ZNF804A: variants seen among roughly 807,000 people sequenced by gnomAD.
ZNF804A encodes the protein zinc finger protein 804A.
Under a neutral mutation model 16.5 loss-of-function variants are expected in ZNF804A, and 2 were observed. The observed-to-expected ratio is 0.12, with a 90% CI of 0.05 to 0.38. ZNF804A has a LOEUF of 0.38. Among genes scored for constraint, ZNF804A ranks in the 10% least tolerant of loss-of-function variants. ZNF804A has a pLI of 0.99. For synonymous variants in ZNF804A, 534 were observed against 489.6 expected (o/e 1.09, Z -1.20); for missense variants, 1,473 against 1,390.7 (o/e 1.06, Z -0.94).
intron 1 of ZNF804A, among the ~76,000 whole-genome samples, chr2:184,862,750 A>G (rs922801495): frequency 1.3e-5 from 2 of 152,170 alleles, no homozygotes; most frequent in Admixed American, 6.6e-5. Context: ...GGGGAAATAC[A>G]GAATAAAAGA....
At chr2:184,776,453 G>A (rs996529590) in intron 1 of ZNF804A, among the ~76,000 whole-genome samples, 5 of 150,926 alleles carry the variant, frequency 3.3e-5, no homozygotes, top group Non-Finnish European at 5.9e-5. Flanking sequence ...GGAGGTTCAG[G>A]TTTTGTTGGT....
chr2:184,599,091 CT>C (rs1691005733), intron 1 of ZNF804A, 21 bp downstream of exon 1: 2 of 1,490,250 alleles, frequency 1.3e-6, no homozygotes, highest in South Asian at 2.3e-5. Context: ...CTGTTTTCCT[CT>C]CTCTCTCTCT....
intron 2 of ZNF804A, among the ~76,000 whole-genome samples, chr2:184,893,993 A>G (rs1268755837): frequency 6.6e-6 from 1 of 152,172 alleles, no homozygotes; most frequent in Non-Finnish European, 1.5e-5. Context: ...TGCACATAAA[A>G]TTCTTCTATA....
chr2:184,605,698 A>T (rs550885908), intron 1 of ZNF804A, among the ~76,000 whole-genome samples: 31 of 152,250 alleles, frequency 2.0e-4, no homozygotes, highest in Non-Finnish European at 3.2e-4. Flanking sequence ...ATATGTAAAT[A>T]CTACACCATT....
intron 1 of ZNF804A, among the ~76,000 whole-genome samples, chr2:184,697,817 C>T (rs917569219): frequency 2.0e-5 from 3 of 151,956 alleles, no homozygotes; most frequent in Admixed American, 6.6e-5. Context: ...TAGAAGAGGG[C>T]TTCAAGATCA....
intron 1 of ZNF804A, among the ~76,000 whole-genome samples, chr2:184,835,616 T>C (rs1222508929): frequency 6.9e-6 from 1 of 145,768 alleles, no homozygotes; most frequent in Non-Finnish European, 1.5e-5. Flanking sequence ...GTAATAACTA[T>C]CAGAACACAA....
chr2:184,638,233 GAT>G (rs1691734004), intron 1 of ZNF804A, among the ~76,000 whole-genome samples: 1 of 152,112 alleles, frequency 6.6e-6, no homozygotes, highest in Admixed American at 6.6e-5. Context: ...TCCAATCATA[GAT>G]AAAAATCCAT....
chr2:184,880,935 T>C (rs910817636), intron 2 of ZNF804A, among the ~76,000 whole-genome samples: 2 of 152,064 alleles, frequency 1.3e-5, no homozygotes, highest in Non-Finnish European at 2.9e-5. Flanking sequence ...CATAAGAATA[T>C]GATGAATTCA....
chr2:184,748,169 G>C (rs1693822548), intron 1 of ZNF804A, among the ~76,000 whole-genome samples: 1 of 151,124 alleles, frequency 6.6e-6, no homozygotes, highest in Admixed American at 6.6e-5. Context: ...TTGAATGTTA[G>C]CTTTGTTTTA....
intron 1 of ZNF804A, among the ~76,000 whole-genome samples, chr2:184,772,658 A>C (rs1694233698): frequency 6.6e-6 from 1 of 151,830 alleles, no homozygotes; most frequent in African/African-American, 2.4e-5. Flanking sequence ...TTTCTGGATC[A>C]TATGACAACT....
intron 1 of ZNF804A, among the ~76,000 whole-genome samples, chr2:184,730,967 G>C (rs1000892656): frequency 2.0e-5 from 3 of 151,806 alleles, no homozygotes; most frequent in African/African-American, 4.8e-5. Context: ...ACTGGGCCAG[G>C]CATGGTAGCT....
chr2:184,900,312 A>C (rs767914683), intron 2 of ZNF804A, among the ~76,000 whole-genome samples: 25 of 152,066 alleles, frequency 1.6e-4, no homozygotes, highest in Non-Finnish European at 3.1e-4. Context: ...GCCCCCCTTG[A>C]GTGTTATACC....
intron 1 of ZNF804A, among the ~76,000 whole-genome samples, chr2:184,684,598 TG>T (rs1692598292): frequency 6.6e-6 from 1 of 152,274 alleles, no homozygotes; most frequent in Non-Finnish European, 1.5e-5. Context: ...TTTTACATAC[TG>T]GGGGGTACAT....
rs998724016 is a variant in ZNF804A at position 184,928,498 on chromosome 2, C to T, written c.256-5105C>T. On this transcript the variant is annotated intron_variant, in intron 2 of 3. Transcript: ENST00000302277. ...GGGAGGGGGAGGAGTGGCATCAGCCCTCCCTTAGCCAAACTGTTATTCAGT... is the reference window on the plus strand; with the variant it reads ...GGGAGGGGGAGGAGTGGCATCAGCCTTCCCTTAGCCAAACTGTTATTCAGT... Among the ~76,000 whole-genome samples the T allele has an allele frequency of 6.6e-5, 10 of 152,142 alleles. 1 individual carries two copies. In the East Asian group the frequency reaches 1.7e-3, roughly 26 times the overall value.
At chr2:184,756,528 A>C (rs1693961331) in intron 1 of ZNF804A, among the ~76,000 whole-genome samples, 1 of 152,038 alleles carries the variant, frequency 6.6e-6, no homozygotes, top group Non-Finnish European at 1.5e-5. Flanking sequence ...TTTAAAAGCA[A>C]TGTTACTTTT....
At chr2:184,934,863 G>A (rs60966627) in intron 3 of ZNF804A, among the ~76,000 whole-genome samples, 2 of 152,082 alleles carry the variant, frequency 1.3e-5, no homozygotes, top group East Asian at 3.9e-4. Context: ...TTCAAAAGAT[G>A]GGAAAAGAAG....
intron 1 of ZNF804A, among the ~76,000 whole-genome samples, chr2:184,629,704 G>A (rs2105685747): frequency 6.6e-6 from 1 of 152,164 alleles, no homozygotes; most frequent in East Asian, 1.9e-4. Flanking sequence ...AATCAGTTTA[G>A]GACAGTTTTC....
chr2:184,708,182 T>C (rs1176086111), intron 1 of ZNF804A, among the ~76,000 whole-genome samples: 1 of 152,124 alleles, frequency 6.6e-6, no homozygotes, highest in Non-Finnish European at 1.5e-5. Flanking sequence ...CTTTGTCAGA[T>C]GCATAGTTTG....
intron 1 of ZNF804A, among the ~76,000 whole-genome samples, chr2:184,740,277 G>A (rs2105752507): frequency 6.6e-6 from 1 of 152,290 alleles, no homozygotes; most frequent in East Asian, 1.9e-4. Flanking sequence ...AGCACCAGGT[G>A]AATATATTTT....
Sources: allele counts gnomAD v4.1 joint callset (sites outside exome capture counted in the v4.1 genomes callset), GRCh38; gene constraint gnomAD v4.1.1; transcripts MANE v1.5; gene names NCBI Gene and HGNC (gene_info 2026-07-23, HGNC 2026-07-21).